Variants in FRMD4A observed in about 807,000 individuals in gnomAD.
The protein encoded by FRMD4A is FERM domain-containing protein 4A.
FRMD4A carries 29 observed loss-of-function variants against 129.1 expected under a neutral mutation model. The ratio of observed to expected loss-of-function variants is 0.22; its 90% CI spans 0.17 to 0.31. The LOEUF is 0.31. Ranked by LOEUF, FRMD4A falls within the 10% of genes least tolerant of loss-of-function variation. FRMD4A has a pLI of 1.00. For synonymous variants in FRMD4A, 634 were observed against 571.6 expected (o/e 1.11, Z -1.56); for missense variants, 1,272 against 1,375.8 (o/e 0.92, Z 1.19).
chr10:14,312,334 C>T (rs1202030953), intron 2 of FRMD4A, among the ~76,000 whole-genome samples: 2 of 152,214 alleles, frequency 1.3e-5, no homozygotes, highest in Admixed American at 1.3e-4. Flanking sequence ...CCTGTAGTCT[C>T]CGTACTTCTG....
At chr10:14,219,992 G>T (rs966323434) in intron 2 of FRMD4A, among the ~76,000 whole-genome samples, 1 of 152,174 alleles carries the variant, frequency 6.6e-6, no homozygotes, top group Non-Finnish European at 1.5e-5. Context: ...TATTGCGAAT[G>T]GTGTCTAGAG....
chr10:13,699,932 A>G (rs2086639971), intron 14 of FRMD4A, among the ~76,000 whole-genome samples: 2 of 152,318 alleles, frequency 1.3e-5, no homozygotes, highest in Non-Finnish European at 1.5e-5. Flanking sequence ...ATTATTCCTA[A>G]CAACAGAAAT....
chr10:14,125,410 C>T (rs530491036), intron 2 of FRMD4A, among the ~76,000 whole-genome samples: 2 of 152,232 alleles, frequency 1.3e-5, no homozygotes, highest in Admixed American at 1.3e-4. Flanking sequence ...GATGACAAGC[C>T]TCCTTCCAGG....
intron 16 of FRMD4A, 97 bp from the exon 17 acceptor site, chr10:13,670,625 A>C: frequency 3.4e-6 from 4 of 1,163,060 alleles, no homozygotes; most frequent in Admixed American, 1.8e-5. Context: ...GCACACAAAA[A>C]TGCACGCATG....
chr10:14,306,779 A>G (rs1172294925), intron 2 of FRMD4A, among the ~76,000 whole-genome samples: 1 of 152,226 alleles, frequency 6.6e-6, no homozygotes, highest in East Asian at 1.9e-4. Context: ...TTTATTTTAA[A>G]TATCTCCAGC....
chr10:14,100,307 G>T (rs185474319), intron 2 of FRMD4A, among the ~76,000 whole-genome samples: 2 of 152,180 alleles, frequency 1.3e-5, no homozygotes, highest in East Asian at 1.9e-4. Flanking sequence ...ATAAATATTC[G>T]ATGGCAGCCA....
intron 2 of FRMD4A, among the ~76,000 whole-genome samples, chr10:14,274,724 CATTAATGT>C (rs1229279449): frequency 6.6e-6 from 1 of 152,178 alleles, no homozygotes; most frequent in Non-Finnish European, 1.5e-5. Flanking sequence ...GAAACATGAT[CATTAATGT>C]ATTGCTCAGC....
chr10:13,790,578 G>A (rs1474551035), intron 5 of FRMD4A, among the ~76,000 whole-genome samples: 2 of 152,200 alleles, frequency 1.3e-5, no homozygotes, highest in African/African-American at 2.4e-5. Flanking sequence ...AGAGTGTAGT[G>A]CCACAGAGCC....
chr10:14,108,700 G>C (rs1235962038), intron 2 of FRMD4A, among the ~76,000 whole-genome samples: 4 of 152,082 alleles, frequency 2.6e-5, no homozygotes, highest in African/African-American at 9.7e-5. Flanking sequence ...TTTCGCATAG[G>C]AAAAATAAGA....
At chr10:14,239,380 C>T (rs965739533) in intron 2 of FRMD4A, among the ~76,000 whole-genome samples, 2 of 152,174 alleles carry the variant, frequency 1.3e-5, no homozygotes, top group Non-Finnish European at 2.9e-5. Context: ...GTAATCCCAG[C>T]ACTTTGGGAG....
Position 13,745,598 on chromosome 10 carries a change from G to A in FRMD4A, c.548+2138C>T, listed in dbSNP as rs565383485. Among the ~76,000 whole-genome samples, 133 of 152,292 alleles carry A rather than the reference G, an allele frequency of 8.7e-4. 1 individual carries two copies. Among genetic ancestry groups the A allele is most frequent in the South Asian group, 1.7e-3 (8 of 4,826 alleles). On this transcript the variant is annotated intron_variant, in intron 9 of 24. Coordinates refer to ENST00000357447, the MANE Select transcript of FRMD4A (RefSeq NM_018027.5). ...GGTGCCTCTGGGTTAGTAATCATGT[G>A]TGAGTACAGAGCAGATAATGGAGAT... is the stretch of plus-strand genomic sequence containing the variant.
chr10:14,168,114 ATGGGTGGG>A (rs1841287467), intron 2 of FRMD4A, among the ~76,000 whole-genome samples: 1 of 152,160 alleles, frequency 6.6e-6, no homozygotes, highest in African/African-American at 2.4e-5. Flanking sequence ...ACGAGGCAGA[ATGGGTGGG>A]TGAGGGCTAG....
intron 2 of FRMD4A, among the ~76,000 whole-genome samples, chr10:14,043,562 C>A (rs11258818): frequency 0.017 from 2,628 of 152,258 alleles, 32 homozygotes; most frequent in East Asian, 0.044. Context: ...TGTCTGGAAA[C>A]TTGTCCACTC....
chr10:13,781,029 G>A (rs958103595), intron 6 of FRMD4A, among the ~76,000 whole-genome samples: 6 of 152,172 alleles, frequency 3.9e-5, no homozygotes, highest in Non-Finnish European at 7.4e-5. Flanking sequence ...GCAGCCAAGC[G>A]TGGTGGCCCA....
intron 4 of FRMD4A, among the ~76,000 whole-genome samples, chr10:13,798,928 G>A (rs901213356): frequency 6.6e-6 from 1 of 152,004 alleles, no homozygotes; most frequent in Non-Finnish European, 1.5e-5. Context: ...CTGTTCCTTC[G>A]TCCCAGTAGG....
chr10:14,119,538 G>C (rs1285047239), intron 2 of FRMD4A, among the ~76,000 whole-genome samples: 1 of 152,238 alleles, frequency 6.6e-6, no homozygotes, highest in Non-Finnish European at 1.5e-5. Flanking sequence ...AGATCAGGGA[G>C]CAGTAGTGAG....
chr10:14,266,723 C>T (rs1186305903), intron 2 of FRMD4A, among the ~76,000 whole-genome samples: 1 of 152,088 alleles, frequency 6.6e-6, no homozygotes, highest in East Asian at 1.9e-4. Context: ...CCTTTATTTT[C>T]TTTCTTATCA....
chr10:13,834,630 G>A (rs2093844503), intron 3 of FRMD4A, among the ~76,000 whole-genome samples: 1 of 152,190 alleles, frequency 6.6e-6, no homozygotes, highest in Non-Finnish European at 1.5e-5. Context: ...GAGGGAAGAC[G>A]AAATTGATGC....
chr10:13,724,501 C>G (rs1175726206), intron 12 of FRMD4A, among the ~76,000 whole-genome samples: 1 of 152,142 alleles, frequency 6.6e-6, no homozygotes, highest in African/African-American at 2.4e-5. Context: ...AGGTTACTAC[C>G]GGTTCATGGC....
Sources: gnomAD v4.1 joint callset for allele counts (sites outside exome capture counted in the v4.1 genomes callset) on GRCh38, gnomAD v4.1.1 for gene constraint, MANE v1.5 for transcripts, NCBI Gene and HGNC (gene_info 2026-07-23, HGNC 2026-07-21) for gene names.